SGMS1: variants seen among roughly 807,000 people sequenced by gnomAD.
SGMS1 encodes sphingomyelin synthase 1.
A neutral mutation model predicts 46.2 loss-of-function variants in SGMS1; 13 were observed. The observed-to-expected ratio is 0.28, with a 90% CI of 0.18 to 0.45. SGMS1 has a LOEUF of 0.45. Ranked by LOEUF, SGMS1 falls within the 20% of genes least tolerant of loss-of-function variation. The pLI is 1.00. For synonymous variants in SGMS1, 203 were observed against 187.8 expected, an observed-to-expected ratio of 1.08 and a Z score of -0.66; for missense variants, 324 against 519.9, an observed-to-expected ratio of 0.62 and a Z score of 3.66.
At chr10:50,397,951 C>T (rs12357733) in intron 6 of SGMS1, among the ~76,000 whole-genome samples, 17,829 of 152,164 alleles carry the variant, frequency 0.12, 1,187 homozygotes, top group Middle Eastern at 0.21. Flanking sequence ...TAAGCCATTT[C>T]GCCGCTCTTC....
chr10:50,598,333 C>A (rs1209069263), intron 1 of SGMS1, among the ~76,000 whole-genome samples: 1 of 152,184 alleles, frequency 6.6e-6, no homozygotes, highest in Non-Finnish European at 1.5e-5. Flanking sequence ...CCTCGGACTT[C>A]AAGTTTGCAG....
At chr10:50,568,040 A>C (rs1469587471) in intron 2 of SGMS1, among the ~76,000 whole-genome samples, 1 of 152,192 alleles carries the variant, frequency 6.6e-6, no homozygotes, top group Non-Finnish European at 1.5e-5. Flanking sequence ...AGTTCTCTAG[A>C]AAAAAAGCAG....
At chr10:50,526,593 G>A (rs1224407511) in intron 2 of SGMS1, among the ~76,000 whole-genome samples, 5 of 152,158 alleles carry the variant, frequency 3.3e-5, no homozygotes, top group African/African-American at 1.2e-4. Context: ...ATTCAGTTTA[G>A]TTAATCTTAT....
intron 8 of SGMS1, among the ~76,000 whole-genome samples, chr10:50,321,852 T>C (rs7070330): frequency 0.24 from 36,828 of 152,152 alleles, 4,511 homozygotes; most frequent in East Asian, 0.31. Flanking sequence ...GCAATGAGTC[T>C]GTTGCCTTAT....
At chr10:50,536,212 A>G (rs1838000461) in intron 2 of SGMS1, among the ~76,000 whole-genome samples, 1 of 152,104 alleles carries the variant, frequency 6.6e-6, no homozygotes, top group South Asian at 2.1e-4. Flanking sequence ...GCACGCGTAT[A>G]GTCTCAGCTA....
chr10:50,428,466 A>C (rs1849358555), intron 6 of SGMS1, among the ~76,000 whole-genome samples: 1 of 152,156 alleles, frequency 6.6e-6, no homozygotes, highest in South Asian at 2.1e-4. Flanking sequence ...AGGTGGGCAG[A>C]AAGGAGCAGC....
intron 1 of SGMS1, among the ~76,000 whole-genome samples, chr10:50,606,476 T>C (rs774449059): frequency 3.3e-5 from 5 of 152,276 alleles, no homozygotes; most frequent in Non-Finnish European, 7.3e-5. Context: ...ATTTTGTGTA[T>C]GTGTATTTTA....
Position 50,356,566 on chromosome 10 carries a change from CT to C in SGMS1, c.-231-12222del, listed in dbSNP as rs569388890. Among the ~76,000 whole-genome samples, 29 of 151,116 alleles carry C rather than the reference CT, an allele frequency of 1.9e-4. No individual in the cohort carries two copies. In the South Asian group the frequency reaches 5.9e-3, roughly 31 times the overall value. Reference sequence around the variant, plus strand: ...AACACCCAAGAATGATCAATAAATACTAAAAAAATTAAAAAAAAATTTATTG... The same window carrying C: ...AACACCCAAGAATGATCAATAAATACAAAAAAATTAAAAAAAAATTTATTG... On this transcript the variant is annotated intron_variant, in intron 6 of 10. Coordinates refer to ENST00000361781, the MANE Select transcript of SGMS1 (RefSeq NM_147156.4).
intron 5 of SGMS1, among the ~76,000 whole-genome samples, chr10:50,458,737 T>C (rs1837228243): frequency 6.6e-6 from 1 of 152,124 alleles, no homozygotes; most frequent in South Asian, 2.1e-4. Context: ...TTCAGTGAGG[T>C]TGACCACATC....
intron 3 of SGMS1, among the ~76,000 whole-genome samples, chr10:50,470,039 C>T (rs78355298): frequency 0.013 from 1,992 of 152,274 alleles, 43 homozygotes; most frequent in African/African-American, 0.045. Context: ...CACCGAAAGA[C>T]AGTGCCCAAA....
intron 3 of SGMS1, among the ~76,000 whole-genome samples, chr10:50,473,133 C>T (rs1388725090): frequency 6.6e-6 from 1 of 151,766 alleles, no homozygotes; most frequent in African/African-American, 2.4e-5. Flanking sequence ...GTTTAACTAA[C>T]TAAAACTGTT....
intron 2 of SGMS1, among the ~76,000 whole-genome samples, chr10:50,559,477 C>G (rs994676994): frequency 2.6e-5 from 4 of 152,312 alleles, no homozygotes; most frequent in Admixed American, 2.6e-4. Context: ...AAATATAGCT[C>G]TCTTGGCCAA....
At chr10:50,543,101 G>A (rs1293676582) in intron 2 of SGMS1, among the ~76,000 whole-genome samples, 1 of 152,174 alleles carries the variant, frequency 6.6e-6, no homozygotes, top group Non-Finnish European at 1.5e-5. Context: ...CACCCAAACT[G>A]TCTTGGAGAC....
At chr10:50,317,986 T>G (rs1847375308) in intron 8 of SGMS1, among the ~76,000 whole-genome samples, 2 of 152,088 alleles carry the variant, frequency 1.3e-5, no homozygotes, top group Admixed American at 6.5e-5. Context: ...TGTATTTTAG[T>G]AGAGACAGGG....
chr10:50,427,945 T>TA (rs1460974155), intron 6 of SGMS1, among the ~76,000 whole-genome samples: 4 of 151,568 alleles, frequency 2.6e-5, no homozygotes, highest in Admixed American at 1.3e-4. Flanking sequence ...TCCCTCGAGA[T>TA]AAAAAGGAGG....
chr10:50,325,337 GTAA>G (rs10580433), intron 8 of SGMS1, among the ~76,000 whole-genome samples: 2,997 of 152,280 alleles, frequency 0.02, 94 homozygotes, highest in African/African-American at 0.065. Context: ...AGATTTTGTA[GTAA>G]TTAGATTTAA....
chr10:50,483,135 A>G (rs1249516892), intron 3 of SGMS1, among the ~76,000 whole-genome samples: 1 of 152,184 alleles, frequency 6.6e-6, no homozygotes, highest in Admixed American at 6.5e-5. Flanking sequence ...GCTGGAGTGC[A>G]GTGGCATGAT....
intron 6 of SGMS1, among the ~76,000 whole-genome samples, chr10:50,412,411 G>T (rs774964550): frequency 6.6e-6 from 1 of 152,068 alleles, no homozygotes. Flanking sequence ...GACAACAGAC[G>T]GATTGTGAAT....
chr10:50,425,644 G>C (rs1225613799), intron 6 of SGMS1, among the ~76,000 whole-genome samples: 1 of 152,160 alleles, frequency 6.6e-6, no homozygotes, highest in East Asian at 1.9e-4. Context: ...TGAGTACTAT[G>C]CTCGCTACCT....
Sources: allele counts gnomAD v4.1 joint callset (sites outside exome capture counted in the v4.1 genomes callset), GRCh38; gene constraint gnomAD v4.1.1; transcripts MANE v1.5; gene names NCBI Gene and HGNC (gene_info 2026-07-23, HGNC 2026-07-21).